The following GALNT10 variants were observed in gnomAD, a reference collection of about 807,000 sequenced individuals.
GALNT10 encodes the protein GalNAc transferase 10.
Under a neutral mutation model 75.0 loss-of-function variants are expected in GALNT10, and 41 were observed. That is an observed-to-expected ratio of 0.55 (90% confidence interval 0.43 to 0.71). The LOEUF is 0.71. Among genes scored for constraint, GALNT10 ranks in the 30% least tolerant of loss-of-function variants. GALNT10 has a pLI of 0.00. For synonymous variants in GALNT10, 302 were observed against 313.0 expected, an observed-to-expected ratio of 0.96 and a Z score of 0.37; for missense variants, 727 against 818.5, an observed-to-expected ratio of 0.89 and a Z score of 1.36.
At chr5:154,238,134 A>G (rs1753275818) in intron 1 of GALNT10, among the ~76,000 whole-genome samples, 1 of 152,196 alleles carries the variant, frequency 6.6e-6, no homozygotes, top group South Asian at 2.1e-4. Context: ...ACACAGACAC[A>G]TGTAGCAACA....
intron 1 of GALNT10, among the ~76,000 whole-genome samples, chr5:154,228,642 C>T (rs1753098112): frequency 6.6e-6 from 1 of 152,190 alleles, no homozygotes; most frequent in Non-Finnish European, 1.5e-5. Flanking sequence ...TACTCTTTGC[C>T]AGAATTGGGG....
At chr5:154,228,032 G>GCCATTTTCT (rs2113660494) in intron 1 of GALNT10, among the ~76,000 whole-genome samples, 1 of 152,146 alleles carries the variant, frequency 6.6e-6, no homozygotes, top group African/African-American at 2.4e-5. Context: ...TCCCCTCCCA[G>GCCATTTTCT]CCATTTTCTC....
At chr5:154,342,111 T>A (rs1755040549) in intron 4 of GALNT10, among the ~76,000 whole-genome samples, 1 of 152,166 alleles carries the variant, frequency 6.6e-6, no homozygotes, top group African/African-American at 2.4e-5. Context: ...ATGCTGTTGT[T>A]ATGGTGATGC....
intron 1 of GALNT10, among the ~76,000 whole-genome samples, chr5:154,206,482 A>G (rs12656524): frequency 0.44 from 67,429 of 152,120 alleles, 15,806 homozygotes; most frequent in East Asian, 0.78. Context: ...GATGCAGTGC[A>G]TCAGGCAGAG....
intron 1 of GALNT10, among the ~76,000 whole-genome samples, chr5:154,267,127 C>A (rs1753789899): frequency 6.6e-6 from 1 of 152,102 alleles, no homozygotes; most frequent in South Asian, 2.1e-4. Flanking sequence ...TTAGAGAAGA[C>A]AGGAAGAGAA....
intron 6 of GALNT10, 134 bp from the exon 7 acceptor site, chr5:154,386,178 TC>T: frequency 3.1e-6 from 2 of 653,044 alleles, no homozygotes; most frequent in Non-Finnish European, 5.4e-6. Flanking sequence ...GGCCTTGGAT[TC>T]CCTGGAAGAC....
intron 3 of GALNT10, among the ~76,000 whole-genome samples, chr5:154,301,341 G>A (rs767855668): frequency 6.6e-6 from 1 of 151,852 alleles, no homozygotes; most frequent in Non-Finnish European, 1.5e-5. Flanking sequence ...TGAAATGGAG[G>A]TAGTTTTTAT....
chr5:154,413,033 G>A, intron 10 of GALNT10, 28 bp downstream of exon 10: 1 of 1,426,022 alleles, frequency 7.0e-7, no homozygotes, highest in Non-Finnish European at 9.9e-7. Flanking sequence ...GGGACTGGCA[G>A]CCAGGTTCTC....
At chr5:154,348,492 A>C (rs1043895967) in intron 4 of GALNT10, among the ~76,000 whole-genome samples, 1 of 152,216 alleles carries the variant, frequency 6.6e-6, no homozygotes, top group African/African-American at 2.4e-5. Context: ...GATAAGAGAA[A>C]ATATCTTTGT....
At chr5:154,195,879 A>G (rs1231100088) in intron 1 of GALNT10, among the ~76,000 whole-genome samples, 2 of 151,838 alleles carry the variant, frequency 1.3e-5, no homozygotes, top group African/African-American at 2.4e-5. Context: ...TTGTAGATCT[A>G]TTTTTGTACA....
chr5:154,317,234 A>G (rs994420383), intron 3 of GALNT10, among the ~76,000 whole-genome samples: 3 of 152,198 alleles, frequency 2.0e-5, no homozygotes, highest in African/African-American at 2.4e-5. Context: ...TGATCTGTGG[A>G]TGGTGTCCCA....
intron 4 of GALNT10, among the ~76,000 whole-genome samples, chr5:154,350,983 T>C (rs915427861): frequency 6.6e-6 from 1 of 152,212 alleles, no homozygotes; most frequent in Non-Finnish European, 1.5e-5. Flanking sequence ...AGAACTTGCA[T>C]TTCTAACAAG....
At chr5:154,253,942 C>T (rs569357474) in intron 1 of GALNT10, among the ~76,000 whole-genome samples, 5 of 152,236 alleles carry the variant, frequency 3.3e-5, no homozygotes, top group African/African-American at 7.2e-5. Context: ...GAGGTGGCCC[C>T]GTCCCCTTCA....
At chr5:154,383,706 G>A (rs1483791444) in intron 6 of GALNT10, among the ~76,000 whole-genome samples, 1 of 152,164 alleles carries the variant, frequency 6.6e-6, no homozygotes, top group Non-Finnish European at 1.5e-5. Flanking sequence ...CACCAAGTCA[G>A]AAACACTGTC....
intron 2 of GALNT10, among the ~76,000 whole-genome samples, chr5:154,295,897 T>TGGTA (rs1338264217): frequency 6.6e-5 from 10 of 152,180 alleles, no homozygotes; most frequent in African/African-American, 2.2e-4. Context: ...GTATTAATAT[T>TGGTA]TTATTCATTT....
At chr5:154,393,076 A>AAAAAAAAC (rs1361485484) in intron 7 of GALNT10, 1 of 145,204 alleles carries the variant, frequency 6.9e-6, no homozygotes, top group South Asian at 2.2e-4. Flanking sequence ...AAAAAAAAAA[A>AAAAAAAAC]AACCCATTTT....
chr5:154,293,625 C>CTTTTTTTTTTTTTT (rs1320287927), intron 1 of GALNT10, among the ~76,000 whole-genome samples: 16 of 128,130 alleles, frequency 1.2e-4, no homozygotes, highest in South Asian at 4.4e-4. Context: ...TTTTTTTTTC[C>CTTTTTTTTTTTTTT]TTTCAGCCAT....
chr5:154,244,110 C>A (rs758627093), intron 1 of GALNT10, among the ~76,000 whole-genome samples: 1 of 152,208 alleles, frequency 6.6e-6, no homozygotes, highest in African/African-American at 2.4e-5. Flanking sequence ...TGTTCCGCAA[C>A]CTGCAAGGGA....
chr5:154,303,732 T>C (rs35697456), intron 3 of GALNT10, among the ~76,000 whole-genome samples: 47,443 of 152,034 alleles, frequency 0.31, 8,700 homozygotes, highest in East Asian at 0.61. Context: ...TTTCCAAATA[T>C]ATAATGCACC....
Sources: gnomAD v4.1 joint callset for allele counts (sites outside exome capture counted in the v4.1 genomes callset) on GRCh38, gnomAD v4.1.1 for gene constraint, MANE v1.5 for transcripts, NCBI Gene and HGNC (gene_info 2026-07-23, HGNC 2026-07-21) for gene names.